ADGRE3: variants seen among roughly 807,000 people sequenced by gnomAD.
ADGRE3 encodes the protein EGF-like module receptor 3.
ADGRE3 carries 88 observed loss-of-function variants against 80.1 expected under a neutral mutation model. That is an observed-to-expected ratio of 1.10 (90% CI 0.93 to 1.31). The LOEUF (loss-of-function observed/expected upper bound fraction) is 1.31, where lower values mean the gene tolerates loss of function less well. ADGRE3 is among the 40% of genes most tolerant of loss of function. The pLI, the probability that ADGRE3 is intolerant of heterozygous loss-of-function variation, is 0.00. For missense variants in ADGRE3, 715 were observed against 776.5 expected, an observed-to-expected ratio of 0.92 and a Z score of 0.94; for synonymous variants, 281 against 294.8, an observed-to-expected ratio of 0.95 and a Z score of 0.48.
intron 15 of ADGRE3, among the ~76,000 whole-genome samples, chr19:14,620,537 T>TATATATATATATATAATATATATA (rs1415988959): frequency 5.4e-5 from 1 of 18,450 alleles, no homozygotes; most frequent in African/African-American, 3.1e-4. Context: ...TATATATATT[T>TATATATATATATATAATATATATA]TATATATATA....
At chr19:14,667,074 G>A (rs2146907354) in intron 2 of ADGRE3, among the ~76,000 whole-genome samples, 1 of 152,234 alleles carries the variant, frequency 6.6e-6, no homozygotes, top group East Asian at 1.9e-4. Context: ...GGGCTAGTTT[G>A]GTCTTCCTTC....
chr19:14,627,398 G>A (rs1466687141), intron 14 of ADGRE3, among the ~76,000 whole-genome samples: 1 of 151,730 alleles, frequency 6.6e-6, no homozygotes, highest in Non-Finnish European at 1.5e-5. Flanking sequence ...TTTTTTTTGA[G>A]ACGGAGTCTC....
Position 14,633,621 on chromosome 19 carries a change from C to T in ADGRE3, c.1485-319G>A, listed in dbSNP as rs559252154. Among the ~76,000 whole-genome samples, 8 of 151,182 alleles carry T rather than the reference C, an allele frequency of 5.3e-5. No individual in the cohort carries two copies. In the South Asian group the frequency reaches 8.3e-4, roughly 16 times the overall value. On this transcript the variant is annotated intron_variant, in intron 11 of 15. Coordinates refer to ENST00000253673, the MANE Select transcript of ADGRE3 (RefSeq NM_032571.5). ...TCGGGAGGCTGAGGCAGGAGAATGG[C>T]GTGAACTCGGTAAGCGGAGCTTGCA...
intron 4 of ADGRE3, among the ~76,000 whole-genome samples, chr19:14,661,355 C>G (rs1318169964): frequency 6.6e-6 from 1 of 152,168 alleles, no homozygotes; most frequent in African/African-American, 2.4e-5. Context: ...GGAGATGCAC[C>G]CTGGGGGTGT....
chr19:14,647,406 CTTTCT>C, intron 7 of ADGRE3, 41 bp from the exon 8 acceptor site: 3 of 1,193,024 alleles, frequency 2.5e-6, no homozygotes, highest in South Asian at 1.7e-5. Context: ...CTTTTCTTTT[CTTTCT>C]TTTTTTTTTT....
chr19:14,672,762 A>G (rs1972289030), intron 1 of ADGRE3, among the ~76,000 whole-genome samples: 1 of 151,164 alleles, frequency 6.6e-6, no homozygotes, highest in Non-Finnish European at 1.5e-5. Flanking sequence ...GGTGTGTGCC[A>G]CCATGACTGG....
In ADGRE3 at chr19:14,660,021, CCTGAGT is replaced by C. The variant is rs1971900912; in HGVS notation, c.356-1477_356-1472del. On this transcript the variant is annotated intron_variant, in intron 4 of 15. Coordinates refer to ENST00000253673, the MANE Select transcript of ADGRE3 (RefSeq NM_032571.5). ...GAGTTCAAGAACTTTGACTTACAAC[CCTGAGT>C]CTAGAATATGTTTGTTATAGGAAAC... Among the ~76,000 whole-genome samples the C allele has an allele frequency of 2.0e-5, 3 of 151,822 alleles. No homozygotes were observed. In the South Asian group the frequency reaches 6.2e-4, roughly 31 times the overall value.
chr19:14,633,302 T>A lies in ADGRE3; in HGVS notation c.1485A>T (p.Arg495=). 1 of 1,610,662 alleles carries A rather than the reference T, an allele frequency of 6.2e-7. No homozygotes were observed. Among genetic ancestry groups the A allele is most frequent in the Non-Finnish European group, 8.5e-7 (1 of 1,177,980 alleles). The change falls in exon 12 of 16, where the codon CGA becomes CGT. Residue 495 remains arginine (R), a splice_region_variant and synonymous_variant. Transcript: ENST00000253673. ...ATCCCTGGTCCAGGTGGAGCCAGCA[T>A]CTAGGAACAGTGGGAAAAGAGATAC... ...SWPHLYGTAD[R]CWLHLDQGFM... is the part of the protein sequence containing the mutation.
chr19:14,645,262 C>T (rs868063596), intron 8 of ADGRE3, among the ~76,000 whole-genome samples: 3 of 152,008 alleles, frequency 2.0e-5, no homozygotes, highest in Non-Finnish European at 2.9e-5. Flanking sequence ...TGTCCCTGGT[C>T]GTTGTATAAT....
At chr19:14,602,891 A>G in the ADGRE3 span, among the ~76,000 whole-genome samples, 2 of 151,964 alleles carry the variant, frequency 1.3e-5, no homozygotes. Flanking sequence ...GCCCACCACC[A>G]TGCCTGGCTA....
chr19:14,644,039 T>A, intron 9 of ADGRE3, 69 bp downstream of exon 9: 19 of 897,016 alleles, frequency 2.1e-5, no homozygotes, highest in Non-Finnish European at 2.7e-5. Context: ...TTTTTTTTAA[T>A]AGCACTTATT....
the ADGRE3 span, among the ~76,000 whole-genome samples, chr19:14,603,891 C>T: frequency 6.6e-6 from 1 of 152,304 alleles, no homozygotes; most frequent in East Asian, 1.9e-4. Context: ...TCTTCTTAAA[C>T]TGCTCTGATT....
downstream of ADGRE3, among the ~76,000 whole-genome samples, chr19:14,617,322 T>TTCCC (rs1242129811): frequency 2.5e-3 from 193 of 77,918 alleles, 2 homozygotes; most frequent in Middle Eastern, 0.012. Flanking sequence ...TTCCCCTTGC[T>TTCCC]TCCCTCCCTC....
rs1325415854 is a variant in ADGRE3 at position 14,623,299 on chromosome 19, T to TAA, written c.1920+2191_1920+2192dup. ...CCTAAAATACTTAAAAAAAAAAAAA[T>TAA]AAAAAAAAAAAAAAATAAAACTCCT... On this transcript the variant is annotated intron_variant, in intron 15 of 15. Transcript: ENST00000253673. Among the ~76,000 whole-genome samples the TAA allele has an allele frequency of 4.2e-4, 7 of 16,686 alleles. 2 individuals are homozygous for TAA. Among genetic ancestry groups the TAA allele is most frequent in the Admixed American group, 2.0e-3 (2 of 1,004 alleles). 10.9% of individuals were successfully genotyped at this position (16,686 alleles called of 152,430 possible).
the ADGRE3 span, among the ~76,000 whole-genome samples, chr19:14,606,098 G>A: frequency 6.7e-4 from 102 of 152,000 alleles, no homozygotes; most frequent in Admixed American, 1.2e-3. Flanking sequence ...TTCTTTTCCT[G>A]GAACAATGAA....
At chr19:14,610,316 A>T in the ADGRE3 span, 9 of 1,388,440 alleles carry the variant, frequency 6.5e-6, no homozygotes, top group Non-Finnish European at 8.7e-6. Context: ...CTCAAACAGG[A>T]TTGGCACCCT....
the ADGRE3 span, chr19:14,607,146 GC>G: frequency 1.0e-6 from 1 of 958,264 alleles, no homozygotes; most frequent in African/African-American, 1.7e-5. Flanking sequence ...TCCTCTGTGG[GC>G]CCTGACCATG....
In ADGRE3 at chr19:14,620,564, ATATATTTTTTTTTTT is replaced by A. The variant is rs1568471654; in HGVS notation, c.1921-1108_1921-1094del. On this transcript the variant is annotated intron_variant, in intron 15 of 15. Transcript: ENST00000253673. ...ATATATATATTATATATATATATAT[ATATATTTTTTTTTTT>A]TTTTTTTTTTTTTTTTTTGAGACAG... Among the ~76,000 whole-genome samples the A allele has an allele frequency of 3.2e-3, 109 of 34,302 alleles. 8 individuals are homozygous for A. Among genetic ancestry groups the A allele is most frequent in the Non-Finnish European group, 4.3e-3 (86 of 19,922 alleles). 22.5% of individuals were successfully genotyped at this position (34,302 alleles called of 152,430 possible).
At chr19:14,620,478 T>C (rs1334881057) in intron 15 of ADGRE3, among the ~76,000 whole-genome samples, 1 of 26,856 alleles carries the variant, frequency 3.7e-5, no homozygotes, top group Non-Finnish European at 7.5e-5. Flanking sequence ...ATATTATGAG[T>C]ACATATGAAT....
Sources: allele counts gnomAD v4.1 joint callset (sites outside exome capture counted in the v4.1 genomes callset), GRCh38; gene constraint gnomAD v4.1.1; transcripts MANE v1.5; gene names NCBI Gene and HGNC (gene_info 2026-07-23, HGNC 2026-07-21).